Variants in MAP3K5 observed in about 807,000 individuals in gnomAD.
The protein encoded by MAP3K5 is mitogen-activated protein kinase kinase kinase 5.
In MAP3K5, 56 loss-of-function variants were observed where a neutral mutation model predicts 158.7. That is an observed-to-expected ratio of 0.35 (90% CI 0.28 to 0.44). The LOEUF is 0.44. Among genes scored for constraint, MAP3K5 ranks in the 20% least tolerant of loss-of-function variants. The pLI, the probability that MAP3K5 is intolerant of heterozygous loss-of-function variation, is 1.00. For synonymous variants in MAP3K5, 579 were observed against 601.7 expected, an observed-to-expected ratio of 0.96 and a Z score of 0.55; for missense variants, 1,294 against 1,674.8, an observed-to-expected ratio of 0.77 and a Z score of 3.97.
chr6:136,619,352 G>A (rs181206217), intron 15 of MAP3K5, among the ~76,000 whole-genome samples: 1 of 152,270 alleles, frequency 6.6e-6, no homozygotes, highest in East Asian at 1.9e-4. Context: ...TAAGGGTTCT[G>A]GGTTTCATGC....
chr6:136,573,942 T>A (rs1405839759), intron 25 of MAP3K5, among the ~76,000 whole-genome samples: 3 of 151,720 alleles, frequency 2.0e-5, no homozygotes, highest in Non-Finnish European at 2.9e-5. Context: ...TTCTTTTTTT[T>A]TTTTTTGAGA....
chr6:136,598,458 A>T (rs549015882), intron 21 of MAP3K5, among the ~76,000 whole-genome samples: 24 of 152,358 alleles, frequency 1.6e-4, no homozygotes, highest in African/African-American at 5.8e-4. Context: ...CTTTAAAATC[A>T]GGAACTCTGT....
At chr6:136,564,255 G>A (rs2129068930) in intron 26 of MAP3K5, among the ~76,000 whole-genome samples, 1 of 152,262 alleles carries the variant, frequency 6.6e-6, no homozygotes, top group African/African-American at 2.4e-5. Context: ...CATTCCCACA[G>A]GACATAAAGA....
intron 2 of MAP3K5, among the ~76,000 whole-genome samples, chr6:136,709,388 A>C (rs545342374): frequency 6.6e-6 from 1 of 152,264 alleles, no homozygotes; most frequent in East Asian, 1.9e-4. Flanking sequence ...AGTGATTGCT[A>C]GTCTCTTCTA....
At chr6:136,558,900 CAAA>C (rs1830374766) in intron 28 of MAP3K5, 24 bp from the exon 29 acceptor site, 2 of 1,207,778 alleles carry the variant, frequency 1.7e-6, no homozygotes, top group African/African-American at 3.0e-5. Flanking sequence ...AGAATATGCA[CAAA>C]AGATGTTTTA....
At chr6:136,595,688 G>T (rs1436912152) in intron 21 of MAP3K5, among the ~76,000 whole-genome samples, 1 of 152,164 alleles carries the variant, frequency 6.6e-6, no homozygotes, top group Non-Finnish European at 1.5e-5. Context: ...GTGGATAAGG[G>T]GTGTTATTTG....
At chr6:136,594,487 T>A (rs1385693994) in intron 21 of MAP3K5, among the ~76,000 whole-genome samples, 1 of 152,146 alleles carries the variant, frequency 6.6e-6, no homozygotes, top group African/African-American at 2.4e-5. Context: ...TTCACTGCTA[T>A]GAGATGTCAA....
rs1416853885 is a variant in MAP3K5 at position 136,613,245 on chromosome 6, C to T, written c.2290G>A (p.Ala764Thr). The T allele has an allele frequency of 1.2e-6, 2 of 1,612,444 alleles. No homozygotes were observed. Among genetic ancestry groups the T allele is most frequent in the South Asian group, 2.2e-5 (2 of 90,794 alleles). The change falls in exon 17 of 30, where the codon GCT becomes ACT. Residue 764 changes from alanine to threonine, a missense_variant. Ala to Thr is a moderately conservative substitution (Grantham distance 58). Around this residue, in one of 5 missense-constraint regions of MAP3K5, gnomAD observed 41 missense variants for 98.2 expected, o/e 0.42. Coordinates refer to ENST00000359015, the MANE Select transcript of MAP3K5 (RefSeq NM_005923.4). This position sits in a 1 kb window ranked among gnomAD's most constrained non-coding sequence, Gnocchi z 4.0. Reference sequence around the variant, plus strand: ...GGACCCCATTTGGAACGAAGGAGAGCAGAAAGACTTCCTGTAAAGTAGGGA... The same window carrying T: ...GGACCCCATTTGGAACGAAGGAGAGTAGAAAGACTTCCTGTAAAGTAGGGA... ...MEQVPGGSLS[A>T]LLRSKWGPLK...
chr6:136,651,746 G>T (rs1473707968), intron 10 of MAP3K5, among the ~76,000 whole-genome samples: 1 of 152,070 alleles, frequency 6.6e-6, no homozygotes, highest in African/African-American at 2.4e-5. Flanking sequence ...TTCCTATTTT[G>T]AAGCTCTATA....
chr6:136,706,758 A>C (rs1046495082), intron 2 of MAP3K5, among the ~76,000 whole-genome samples: 2 of 152,222 alleles, frequency 1.3e-5, no homozygotes, highest in Non-Finnish European at 2.9e-5. Flanking sequence ...AGCATGTAAG[A>C]TTTTTGAATG....
At chr6:136,676,788 CTTTTCTTTTT>C (rs1157786988) in intron 7 of MAP3K5, among the ~76,000 whole-genome samples, 2 of 141,522 alleles carry the variant, frequency 1.4e-5, no homozygotes, top group African/African-American at 5.6e-5. Context: ...TTTTTCTTTT[CTTTTCTTTTT>C]TTTTTTTTTT....
chr6:136,628,651 T>C (rs1777159445), intron 14 of MAP3K5, among the ~76,000 whole-genome samples: 1 of 152,228 alleles, frequency 6.6e-6, no homozygotes, highest in Admixed American at 6.5e-5. Context: ...GATTACGTAT[T>C]AGATACAGAT....
chr6:136,740,018 C>T (rs377303662), intron 1 of MAP3K5, among the ~76,000 whole-genome samples: 1 of 152,166 alleles, frequency 6.6e-6, no homozygotes, highest in African/African-American at 2.4e-5. Flanking sequence ...CCGGGGCTTC[C>T]ACAGGATGAA....
intron 2 of MAP3K5, among the ~76,000 whole-genome samples, chr6:136,717,874 A>G (rs1781591416): frequency 6.6e-6 from 1 of 152,218 alleles, no homozygotes; most frequent in Non-Finnish European, 1.5e-5. Flanking sequence ...ATAAGAAAAC[A>G]GCAAAAGTTT....
At position 136,738,402 on chromosome 6, in the gene MAP3K5, G is replaced by A. The variant is rs117479969; in HGVS notation, c.449-17813C>T. On this transcript the variant is annotated intron_variant, in intron 1 of 29. Transcript: ENST00000359015. Reference sequence around the variant, plus strand: ...CCTGACTGTTTTAACAGAAATACCCGGCAGAGGAGGCATTTGATGGTAAGG... The same window carrying A: ...CCTGACTGTTTTAACAGAAATACCCAGCAGAGGAGGCATTTGATGGTAAGG... 3.4e-3 allele frequency among the ~76,000 whole-genome samples: 520 copies of A among 152,162 alleles called. 2 individuals are homozygous for A. Among genetic ancestry groups the A allele is most frequent in the Non-Finnish European group, 6.0e-3 (411 of 68,004 alleles).
intron 1 of MAP3K5, among the ~76,000 whole-genome samples, chr6:136,778,185 A>G (rs1319923909): frequency 6.6e-6 from 1 of 152,174 alleles, no homozygotes; most frequent in African/African-American, 2.4e-5. Context: ...TATTTATAAG[A>G]GATCTGAAAG....
At chr6:136,674,952 G>C (rs947357242) in intron 7 of MAP3K5, among the ~76,000 whole-genome samples, 1 of 151,840 alleles carries the variant, frequency 6.6e-6, no homozygotes, top group African/African-American at 2.4e-5. Flanking sequence ...ATTTTATATA[G>C]AAAAGATACT....
chr6:136,691,394 T>C (rs1562617128), intron 7 of MAP3K5, among the ~76,000 whole-genome samples: 1 of 152,172 alleles, frequency 6.6e-6, no homozygotes, highest in Non-Finnish European at 1.5e-5. Flanking sequence ...GTGGATCACT[T>C]GAGGTCAGGA....
chr6:136,583,642 G>A lies in MAP3K5; in HGVS notation c.3324C>T (p.Thr1108=), dbSNP rs751221435. Reference sequence around the variant, plus strand: ...GCTCCAGTTTCAGCTTTGACAGTGTGGTGGCTATGATTTTTCGGTCAGTGG... The same window carrying A: ...GCTCCAGTTTCAGCTTTGACAGTGTAGTGGCTATGATTTTTCGGTCAGTGG... ...VRSTDRKIIA[T]TLSKLKLELD... is the part of the protein sequence containing the mutation. Residue 1108 remains threonine, a synonymous_variant, in exon 24 of 30, where the codon ACC becomes ACT. Coordinates refer to ENST00000359015, the MANE Select transcript of MAP3K5 (RefSeq NM_005923.4). 6.2e-7 allele frequency: 1 copy of A among 1,614,210 alleles called. No individual in the cohort carries two copies. The highest frequency in any genetic ancestry group is 1.7e-5 in the Admixed American group (1 of 60,024).
Sources: allele counts gnomAD v4.1 joint callset (sites outside exome capture counted in the v4.1 genomes callset), GRCh38; gene constraint gnomAD v4.1.1; regional missense constraint gnomAD v4.1.1; non-coding constraint Gnocchi (gnomAD v3.1); transcripts MANE v1.5; gene names NCBI Gene and HGNC (gene_info 2026-07-23, HGNC 2026-07-21).